Variants in MARCHF1 observed in about 807,000 individuals in gnomAD.
MARCHF1 encodes the protein E3 ubiquitin-protein ligase MARCHF1.
In MARCHF1, 40 loss-of-function variants were observed where a neutral mutation model predicts 54.2. The observed-to-expected ratio is 0.74, with a 90% CI of 0.57 to 0.96. MARCHF1 has a LOEUF of 0.96. Ranked by LOEUF, MARCHF1 falls within the 40% of genes least tolerant of loss-of-function variation. The pLI, the probability that MARCHF1 is intolerant of heterozygous loss-of-function variation, is 0.00. For missense variants in MARCHF1, 586 were observed against 656.5 expected, an observed-to-expected ratio of 0.89 and a Z score of 1.17; for synonymous variants, 236 against 236.3, an observed-to-expected ratio of 1.00 and a Z score of 0.01.
intron 7 of MARCHF1, among the ~76,000 whole-genome samples, chr4:163,587,439 A>G (rs1740446474): frequency 6.6e-6 from 1 of 152,228 alleles, no homozygotes; most frequent in South Asian, 2.1e-4. Context: ...ATGCAGCCAT[A>G]AAAAGAATGA....
intron 4 of MARCHF1, among the ~76,000 whole-genome samples, chr4:163,846,560 A>G (rs1362408995): frequency 6.6e-6 from 1 of 152,132 alleles, no homozygotes; most frequent in Non-Finnish European, 1.5e-5. Flanking sequence ...ACAAATTTAC[A>G]TTTCATTGTC....
intron 4 of MARCHF1, among the ~76,000 whole-genome samples, chr4:163,741,119 T>G (rs1349821425): frequency 6.6e-6 from 1 of 152,206 alleles, no homozygotes; most frequent in Admixed American, 6.5e-5. Flanking sequence ...TAAACTGAAT[T>G]CTTTTCTACT....
intron 1 of MARCHF1, among the ~76,000 whole-genome samples, chr4:164,229,740 G>C (rs1415139914): frequency 6.6e-6 from 1 of 152,108 alleles, no homozygotes; most frequent in African/African-American, 2.4e-5. Context: ...GGCGAAGGGG[G>C]AGTACAGACT....
chr4:163,894,438 T>A (rs1750730372), intron 3 of MARCHF1, among the ~76,000 whole-genome samples: 1 of 151,644 alleles, frequency 6.6e-6, no homozygotes, highest in African/African-American at 2.4e-5. Context: ...AATGAGTGAA[T>A]GAAAGATTAA....
intron 1 of MARCHF1, among the ~76,000 whole-genome samples, chr4:164,276,967 G>T: frequency 1.6e-5 from 2 of 126,386 alleles, no homozygotes; most frequent in South Asian, 5.4e-4. Context: ...GAGAGAGAGA[G>T]ACAGAGAGAG....
At chr4:164,128,686 C>T (rs1756238814) in intron 1 of MARCHF1, among the ~76,000 whole-genome samples, 1 of 152,062 alleles carries the variant, frequency 6.6e-6, no homozygotes, top group African/African-American at 2.4e-5. Context: ...GTGAGAAACT[C>T]CAAAATTATT....
At chr4:163,524,595 C>T (rs949142523), downstream of MARCHF1, 5 of 151,984 alleles carry the variant, frequency 3.3e-5, no homozygotes, top group African/African-American at 1.2e-4. Flanking sequence ...AGTTAGTCAA[C>T]GTAGGTTTGC....
Position 163,774,881 on chromosome 4 carries a change from T to C in MARCHF1, c.112-74018A>G, listed in dbSNP as rs556256481. ...TATCCCTATCTTCTAAAGGAGGAAA[T>C]TGAGACTTCAGTATGTTGGATTACT... On this transcript the variant is annotated intron_variant, in intron 4 of 9. Coordinates refer to ENST00000514618, the MANE Select transcript of MARCHF1 (RefSeq NM_001394959.1). Among the ~76,000 whole-genome samples, 36 of 152,252 alleles carry C rather than the reference T, an allele frequency of 2.4e-4. No homozygotes were observed. The South Asian group carries it at 6.6e-3, about 28-fold the overall frequency.
intron 4 of MARCHF1, among the ~76,000 whole-genome samples, chr4:163,793,592 A>G (rs1349383990): frequency 6.6e-6 from 1 of 152,134 alleles, no homozygotes; most frequent in African/African-American, 2.4e-5. Context: ...TCTGCCTCCA[A>G]AGAAAGAAGA....
chr4:164,313,569 G>A (rs923618363), intron 1 of MARCHF1, among the ~76,000 whole-genome samples: 1 of 152,098 alleles, frequency 6.6e-6, no homozygotes, highest in African/African-American at 2.4e-5. Flanking sequence ...AGTGAAGTGG[G>A]TATGGTCTCT....
intron 4 of MARCHF1, among the ~76,000 whole-genome samples, chr4:163,789,636 C>T (rs1230913325): frequency 6.6e-6 from 1 of 151,948 alleles, no homozygotes; most frequent in Non-Finnish European, 1.5e-5. Context: ...TGTGGTGGGG[C>T]ATAAATTTAG....
intron 1 of MARCHF1, among the ~76,000 whole-genome samples, chr4:164,196,840 T>G (rs551900886): frequency 6.6e-6 from 1 of 152,162 alleles, no homozygotes; most frequent in African/African-American, 2.4e-5. Flanking sequence ...CCAGTACACT[T>G]TTCCCGTCTC....
chr4:163,782,655 T>G, intron 4 of MARCHF1, among the ~76,000 whole-genome samples: 1 of 114,832 alleles, frequency 8.7e-6, no homozygotes, highest in Non-Finnish European at 1.7e-5. Flanking sequence ...AGTGACAGAG[T>G]GAGACTCCAT....
intron 1 of MARCHF1, among the ~76,000 whole-genome samples, chr4:164,194,601 T>C (rs1341628470): frequency 2.0e-5 from 3 of 152,192 alleles, no homozygotes; most frequent in Non-Finnish European, 2.9e-5. Context: ...GCTGTCATCT[T>C]ATAATAAAAT....
intron 4 of MARCHF1, among the ~76,000 whole-genome samples, chr4:163,777,686 C>T (rs990025654): frequency 6.6e-6 from 1 of 152,046 alleles, no homozygotes; most frequent in African/African-American, 2.4e-5. Flanking sequence ...GCACAAGAGT[C>T]AAGCCTACCC....
At chr4:164,361,832 G>T (rs993172839) in intron 1 of MARCHF1, among the ~76,000 whole-genome samples, 1 of 151,942 alleles carries the variant, frequency 6.6e-6, no homozygotes, top group Admixed American at 6.6e-5. Context: ...TCACAACACT[G>T]TACCATAATG....
At chr4:163,991,627 C>T (rs983664612) in intron 2 of MARCHF1, among the ~76,000 whole-genome samples, 1 of 152,128 alleles carries the variant, frequency 6.6e-6, no homozygotes, top group East Asian at 1.9e-4. Context: ...CAGACACTGG[C>T]CAGAATAATC....
intron 1 of MARCHF1, among the ~76,000 whole-genome samples, chr4:164,262,839 G>A (rs188446156): frequency 6.6e-6 from 1 of 152,262 alleles, no homozygotes; most frequent in African/African-American, 2.4e-5. Flanking sequence ...CACAGAAGGA[G>A]GAGGAATAAA....
intron 4 of MARCHF1, among the ~76,000 whole-genome samples, chr4:163,801,230 A>C (rs34651521): frequency 0.57 from 86,620 of 151,812 alleles, 25,086 homozygotes; most frequent in East Asian, 0.86. Context: ...TATCTTAGCT[A>C]TTCTTTTTAC....
Sources: allele counts gnomAD v4.1 joint callset (sites outside exome capture counted in the v4.1 genomes callset), GRCh38; gene constraint gnomAD v4.1.1; transcripts MANE v1.5; gene names NCBI Gene and HGNC (gene_info 2026-07-23, HGNC 2026-07-21).